The following CSMD3 variants were observed in gnomAD, a reference collection of about 807,000 sequenced individuals.
CSMD3 encodes the protein CUB and Sushi multiple domains 3.
Under a neutral mutation model 435.2 loss-of-function variants are expected in CSMD3, and 177 were observed. The observed-to-expected ratio is 0.41, with a 90% confidence interval of 0.36 to 0.46. CSMD3 has a LOEUF of 0.46. Ranked by LOEUF, CSMD3 falls within the 20% of genes least tolerant of loss-of-function variation. CSMD3 has a pLI of 0.34. For synonymous variants in CSMD3, 1,656 were observed against 1,520.5 expected, an observed-to-expected ratio of 1.09 and a Z score of -2.07; for missense variants, 4,265 against 4,504.6, an observed-to-expected ratio of 0.95 and a Z score of 1.52.
At chr8:112,768,853 T>C (rs1173767802) in intron 13 of CSMD3, among the ~76,000 whole-genome samples, 8 of 152,006 alleles carry the variant, frequency 5.3e-5, no homozygotes, top group African/African-American at 1.9e-4. Context: ...TTTGTCAAGG[T>C]CACCTATTCT....
At chr8:112,550,248 T>C (rs1327048228) in intron 27 of CSMD3, among the ~76,000 whole-genome samples, 4 of 152,008 alleles carry the variant, frequency 2.6e-5, no homozygotes, top group Non-Finnish European at 5.9e-5. Flanking sequence ...ATAATTAAGA[T>C]ATTTAGATAA....
chr8:113,220,298 G>C (rs2092951818), intron 3 of CSMD3, among the ~76,000 whole-genome samples: 1 of 151,292 alleles, frequency 6.6e-6, no homozygotes, highest in African/African-American at 2.4e-5. Flanking sequence ...GGGCTCCTTG[G>C]AGAAATGGCT....
At position 112,346,981 on chromosome 8, in the gene CSMD3, A is replaced by G. The variant is rs537853910; in HGVS notation, c.6326-768T>C. ...GTGAGAAGGCTCAATAAAGATTTGT[A>G]AGCAAAATATTGGTTTCCATTCATA... is the stretch of plus-strand genomic sequence containing the variant. On this transcript the variant is annotated intron_variant, in intron 40 of 70. Coordinates refer to ENST00000297405, the MANE Select transcript of CSMD3 (RefSeq NM_198123.2). Among the ~76,000 whole-genome samples the G allele has an allele frequency of 2.3e-3, 347 of 152,154 alleles. 6 individuals carry two copies. Among genetic ancestry groups the G allele is most frequent in the Non-Finnish European group, 3.0e-3 (204 of 67,994 alleles).
intron 27 of CSMD3, among the ~76,000 whole-genome samples, chr8:112,521,857 T>C (rs1042596297): frequency 2.0e-5 from 3 of 151,812 alleles, no homozygotes; most frequent in Non-Finnish European, 3.0e-5. Flanking sequence ...ATTTCACCTA[T>C]ATAAATTTTT....
At chr8:112,532,950 G>A (rs1416385982) in intron 27 of CSMD3, among the ~76,000 whole-genome samples, 1 of 152,050 alleles carries the variant, frequency 6.6e-6, no homozygotes, top group African/African-American at 2.4e-5. Flanking sequence ...GCCTAAATAT[G>A]GGGAGGAGTA....
At chr8:112,869,798 C>T (rs2081079826) in intron 10 of CSMD3, among the ~76,000 whole-genome samples, 1 of 152,066 alleles carries the variant, frequency 6.6e-6, no homozygotes, top group African/African-American at 2.4e-5. Flanking sequence ...AATCAAACAC[C>T]ACATGTTCTC....
intron 5 of CSMD3, among the ~76,000 whole-genome samples, chr8:113,094,976 C>T (rs12677118): frequency 0.47 from 70,781 of 151,464 alleles, 18,782 homozygotes; most frequent in East Asian, 0.87. Flanking sequence ...GAGGCTGAGG[C>T]AGGAGAATCA....
At chr8:112,746,033 A>C (rs999233151) in intron 13 of CSMD3, among the ~76,000 whole-genome samples, 4 of 152,302 alleles carry the variant, frequency 2.6e-5, no homozygotes, top group African/African-American at 9.6e-5. Flanking sequence ...CTTTGAACTC[A>C]CCTTTTCAGT....
At chr8:112,371,383 C>T (rs1828375446) in intron 38 of CSMD3, among the ~76,000 whole-genome samples, 1 of 152,076 alleles carries the variant, frequency 6.6e-6, no homozygotes, top group South Asian at 2.1e-4. Context: ...TCATGAGAAG[C>T]AGCACATAAG....
At chr8:112,663,699 C>G (rs1352135469) in intron 17 of CSMD3, among the ~76,000 whole-genome samples, 1 of 151,908 alleles carries the variant, frequency 6.6e-6, no homozygotes, top group African/African-American at 2.4e-5. Flanking sequence ...AGCAATTATT[C>G]CTGTGATGAG....
intron 1 of CSMD3, among the ~76,000 whole-genome samples, chr8:113,419,609 T>C (rs185639866): frequency 4.6e-5 from 7 of 152,252 alleles, no homozygotes; most frequent in Non-Finnish European, 1.0e-4. Flanking sequence ...TTCCTCATGC[T>C]CTCAATTCTT....
chr8:112,313,667 A>G (rs533480347), intron 49 of CSMD3, among the ~76,000 whole-genome samples: 197 of 152,236 alleles, frequency 1.3e-3, no homozygotes, highest in African/African-American at 4.6e-3. Flanking sequence ...TTTATAACTG[A>G]CATATAAGTC....
chr8:112,930,345 A>G lies in CSMD3; in HGVS notation c.1509-8594T>C, dbSNP rs184263998. 1.4e-3 allele frequency among the ~76,000 whole-genome samples: 211 copies of G among 152,238 alleles called. 1 individual carries two copies. The highest frequency in any genetic ancestry group is 0.011 in the Admixed American group (171 of 15,268). Reference sequence around the variant, plus strand: ...TATCTAATTTTTCCAGGCTTATATTATATTAAACTTTGATCTCTTAATAGT... The same window carrying G: ...TATCTAATTTTTCCAGGCTTATATTGTATTAAACTTTGATCTCTTAATAGT... On this transcript the variant is annotated intron_variant, in intron 9 of 70. Coordinates refer to ENST00000297405, the MANE Select transcript of CSMD3 (RefSeq NM_198123.2).
chr8:112,562,710 C>T lies in CSMD3; in HGVS notation c.4043-5756G>A, dbSNP rs7015063. ...TATTAGGCAGAATAATTTGGGGGAACTATATTTAATATTTGGTGATTAAAT... is the reference window on the plus strand; with the variant it reads ...TATTAGGCAGAATAATTTGGGGGAATTATATTTAATATTTGGTGATTAAAT... On this transcript the variant is annotated intron_variant, in intron 24 of 70. Transcript: ENST00000297405. 8.4e-3 allele frequency among the ~76,000 whole-genome samples: 1,277 copies of T among 151,596 alleles called. 17 individuals carry two copies. Among genetic ancestry groups the T allele is most frequent in the African/African-American group, 0.03 (1,232 of 41,456 alleles).
intron 32 of CSMD3, among the ~76,000 whole-genome samples, chr8:112,466,678 C>A (rs1364745629): frequency 3.9e-5 from 6 of 152,040 alleles, no homozygotes; most frequent in Non-Finnish European, 7.4e-5. Flanking sequence ...TACAAGAATA[C>A]CTAAATTCTC....
intron 4 of CSMD3, among the ~76,000 whole-genome samples, chr8:113,140,999 T>TCC (rs2091535598): frequency 6.6e-6 from 1 of 150,538 alleles, no homozygotes; most frequent in Non-Finnish European, 1.5e-5. Context: ...ACATAAGGAA[T>TCC]GGAAGATGAA....
chr8:112,615,064 T>C (rs1199892988), intron 22 of CSMD3, among the ~76,000 whole-genome samples: 2 of 152,220 alleles, frequency 1.3e-5, no homozygotes, highest in East Asian at 3.9e-4. Flanking sequence ...TCTTATAGAA[T>C]ATACAGTTTA....
chr8:112,313,518 G>A (rs1387091288), intron 49 of CSMD3, among the ~76,000 whole-genome samples: 2 of 151,960 alleles, frequency 1.3e-5, no homozygotes, highest in Non-Finnish European at 2.9e-5. Context: ...TCAGTTCAAA[G>A]AAAACAAATC....
At chr8:113,329,795 GT>G (rs1331433048) in intron 1 of CSMD3, among the ~76,000 whole-genome samples, 1 of 152,054 alleles carries the variant, frequency 6.6e-6, no homozygotes, top group Non-Finnish European at 1.5e-5. Context: ...AGAATTACAT[GT>G]TTAAAGGAAT....
Sources: allele counts gnomAD v4.1 joint callset (sites outside exome capture counted in the v4.1 genomes callset), GRCh38; gene constraint gnomAD v4.1.1; transcripts MANE v1.5; gene names NCBI Gene and HGNC (gene_info 2026-07-23, HGNC 2026-07-21).